The following RBFOX3 variants were observed in gnomAD, a reference collection of about 807,000 sequenced individuals.
The protein encoded by RBFOX3 is RNA binding protein fox-1 homolog 3.
In RBFOX3, 17 loss-of-function variants were observed where a neutral mutation model predicts 48.7. That is an observed-to-expected ratio of 0.35 (90% CI 0.24 to 0.52). The LOEUF is 0.52. RBFOX3 is among the 20% of genes least tolerant of loss of function. The pLI, the probability that RBFOX3 is intolerant of heterozygous loss-of-function variation, is 0.94. For synonymous variants in RBFOX3, 212 were observed against 209.5 expected (o/e 1.01, Z -0.10); for missense variants, 382 against 497.5 (o/e 0.77, Z 2.21).
chr17:79,348,258 C>T (rs1366626839), intron 2 of RBFOX3, among the ~76,000 whole-genome samples: 1 of 152,220 alleles, frequency 6.6e-6, no homozygotes. Flanking sequence ...GTATTAACAC[C>T]TGCACCTGAG....
rs967517744 is a variant in RBFOX3, at chr17:79,480,099, G to T, written c.-175+2355C>A. On this transcript the variant is annotated intron_variant, in intron 2 of 14. Transcript: ENST00000693108. The surrounding 1 kb of genome is among the most constrained non-coding windows in gnomAD (Gnocchi z 4.8). ...TGCCTTCACAGCGACACTGCAGGGA[G>T]CCCCAGGACAGAAAGAGCCAGAAAG... Among the ~76,000 whole-genome samples, 5 of 152,216 alleles carry T rather than the reference G, an allele frequency of 3.3e-5. No individual in the cohort carries two copies. Among genetic ancestry groups the T allele is most frequent in the Non-Finnish European group, 5.9e-5 (4 of 68,020 alleles).
intron 1 of RBFOX3, among the ~76,000 whole-genome samples, chr17:79,546,087 A>G (rs2090391006): frequency 6.6e-6 from 1 of 152,260 alleles, no homozygotes; most frequent in Non-Finnish European, 1.5e-5. Context: ...TAAAGCAAAT[A>G]ATCTTCAATG....
the RBFOX3 span, among the ~76,000 whole-genome samples, chr17:79,636,391 T>C: frequency 1.3e-5 from 2 of 152,106 alleles, no homozygotes; most frequent in Admixed American, 6.5e-5. Context: ...TTAAGAAAGG[T>C]CAACCAGGGA....
intron 4 of RBFOX3, among the ~76,000 whole-genome samples, chr17:79,193,503 G>T (rs1318118803): frequency 6.6e-6 from 1 of 152,076 alleles, no homozygotes; most frequent in Non-Finnish European, 1.5e-5. Flanking sequence ...AGCCCCATTG[G>T]ATTTATTCCC....
At chr17:79,597,636 G>A (rs984617811) in intron 1 of RBFOX3, among the ~76,000 whole-genome samples, 72 of 152,304 alleles carry the variant, frequency 4.7e-4, no homozygotes, top group African/African-American at 1.5e-3. Flanking sequence ...ACTACAGCCC[G>A]ACACTTAGAA....
chr17:79,188,903 G>T (rs2053947936), intron 4 of RBFOX3, among the ~76,000 whole-genome samples: 1 of 152,244 alleles, frequency 6.6e-6, no homozygotes, highest in African/African-American at 2.4e-5. Flanking sequence ...TGAGCTCCTG[G>T]CAAGGAGACA....
intron 4 of RBFOX3, among the ~76,000 whole-genome samples, chr17:79,209,559 T>C (rs757423786): frequency 1.3e-5 from 2 of 152,180 alleles, no homozygotes; most frequent in Non-Finnish European, 2.9e-5. Context: ...TGAGCACCTC[T>C]GCAGAGAGAT....
At chr17:79,170,128 A>AAGGAGGAAGGAGGAAGGG (rs1555728637) in intron 4 of RBFOX3, among the ~76,000 whole-genome samples, 4 of 135,698 alleles carry the variant, frequency 2.9e-5, no homozygotes, top group Non-Finnish European at 6.1e-5. Flanking sequence ...GGAAGGAAGG[A>AAGGAGGAAGGAGGAAGGG]AGGAGGAAGG....
intron 3 of RBFOX3, among the ~76,000 whole-genome samples, chr17:79,244,225 C>A (rs906197031): frequency 6.6e-6 from 1 of 152,152 alleles, no homozygotes; most frequent in South Asian, 2.1e-4. Context: ...GAGAGACACG[C>A]ATTGGGTGAG....
chr17:79,210,335 C>T (rs1391930757), intron 4 of RBFOX3, among the ~76,000 whole-genome samples: 1 of 152,232 alleles, frequency 6.6e-6, no homozygotes, highest in African/African-American at 2.4e-5. Flanking sequence ...GCTGCATCTG[C>T]TCTTCATCTC....
chr17:79,595,505 T>C (rs1811731985), intron 1 of RBFOX3, among the ~76,000 whole-genome samples: 2 of 152,246 alleles, frequency 1.3e-5, no homozygotes, highest in Non-Finnish European at 2.9e-5. Flanking sequence ...ACTGTGGGTC[T>C]CTTTCCACAT....
intron 2 of RBFOX3, among the ~76,000 whole-genome samples, chr17:79,382,535 C>G (rs554373953): frequency 3.6e-4 from 54 of 151,594 alleles, no homozygotes; most frequent in African/African-American, 1.2e-3. Context: ...AAGGCTGACA[C>G]GGGCAGGCGG....
In RBFOX3 at chr17:79,233,343, GA is replaced by G. The variant is rs145187733; in HGVS notation, c.-34+2422del. On this transcript the variant is annotated intron_variant, in intron 4 of 14. Coordinates refer to ENST00000693108, the MANE Select transcript of RBFOX3 (RefSeq NM_001350451.2). ...AGAAGCAGAGTCAGTGCTTGCCTTG[GA>G]AGAGGGGATTGGGTGGGGTGTGAGG... 3.4e-3 allele frequency among the ~76,000 whole-genome samples: 514 copies of G among 152,308 alleles called. 1 individual carries two copies. Among genetic ancestry groups the G allele is most frequent in the African/African-American group, 0.012 (490 of 41,552 alleles).
intron 4 of RBFOX3, among the ~76,000 whole-genome samples, chr17:79,207,811 C>T (rs1317496884): frequency 6.6e-6 from 1 of 152,242 alleles, no homozygotes. Context: ...TGCACGCTCA[C>T]ACCTCCTTTC....
intron 9 of RBFOX3, chr17:79,099,475 C>G (rs2076019525): frequency 6.6e-6 from 1 of 152,270 alleles, no homozygotes; most frequent in Non-Finnish European, 1.5e-5. Flanking sequence ...GAAGAACTGA[C>G]TCTTCTTACT....
chr17:79,536,918 T>G (rs1555788846), intron 1 of RBFOX3, among the ~76,000 whole-genome samples: 2 of 152,032 alleles, frequency 1.3e-5, no homozygotes, highest in Admixed American at 1.3e-4. Context: ...ACCCCGTCTC[T>G]ACTAAAAATA....
intron 2 of RBFOX3, among the ~76,000 whole-genome samples, chr17:79,412,945 C>G (rs926877185): frequency 7.2e-5 from 11 of 152,084 alleles, no homozygotes; most frequent in Non-Finnish European, 1.3e-4. Context: ...CTCTCTGACC[C>G]TGAGCCCCTC....
the RBFOX3 span, among the ~76,000 whole-genome samples, chr17:79,658,739 T>C: frequency 6.6e-6 from 1 of 152,106 alleles, no homozygotes. Context: ...TGTCATCGCC[T>C]CAGGAGAATT....
chr17:79,320,595 C>G (rs2078367456), intron 2 of RBFOX3, among the ~76,000 whole-genome samples: 1 of 152,238 alleles, frequency 6.6e-6, no homozygotes, highest in African/African-American at 2.4e-5. Context: ...AGAATGAGTT[C>G]TTCCTCCCAT....
Sources: allele counts gnomAD v4.1 joint callset (sites outside exome capture counted in the v4.1 genomes callset), GRCh38; gene constraint gnomAD v4.1.1; non-coding constraint Gnocchi (gnomAD v3.1); transcripts MANE v1.5; gene names NCBI Gene and HGNC (gene_info 2026-07-23, HGNC 2026-07-21).